TRAPPC9: variants seen among roughly 807,000 people sequenced by gnomAD.
TRAPPC9 encodes the protein trafficking protein particle complex subunit 9, also known as IKK2 binding protein.
In TRAPPC9, 83 loss-of-function variants were observed where a neutral mutation model predicts 124.0. That is an observed-to-expected ratio of 0.67 (90% CI 0.56 to 0.80). The LOEUF (loss-of-function observed/expected upper bound fraction) is 0.80. TRAPPC9 is among the 30% of genes least tolerant of loss of function. The pLI, the probability that TRAPPC9 is intolerant of heterozygous loss-of-function variation, is 0.00. For missense variants in TRAPPC9, 1,302 were observed against 1,508.3 expected (o/e 0.86, Z 2.27); for synonymous variants, 638 against 617.5 (o/e 1.03, Z -0.49).
intron 2 of TRAPPC9, among the ~76,000 whole-genome samples, chr8:140,440,761 C>T (rs1424790088): frequency 6.6e-6 from 1 of 152,098 alleles, no homozygotes; most frequent in African/African-American, 2.4e-5. Context: ...CCTCCCACGG[C>T]TCTGGCTTCC....
At chr8:140,101,098 C>A (rs2060570394) in intron 17 of TRAPPC9, among the ~76,000 whole-genome samples, 1 of 152,226 alleles carries the variant, frequency 6.6e-6, no homozygotes, top group Non-Finnish European at 1.5e-5. Flanking sequence ...CTTCTAGCCA[C>A]AAGCCATCTT....
At chr8:140,096,832 C>G (rs1032204103) in intron 17 of TRAPPC9, 1 of 152,264 alleles carries the variant, frequency 6.6e-6, no homozygotes, top group Admixed American at 6.5e-5. Flanking sequence ...AGGAGACCAC[C>G]GTGAGGAAGT....
At chr8:139,926,610 A>AT (rs1397995951) in intron 19 of TRAPPC9, among the ~76,000 whole-genome samples, 10 of 151,504 alleles carry the variant, frequency 6.6e-5, no homozygotes, top group African/African-American at 1.4e-4. Context: ...ATTAAAATAA[A>AT]AAAAAAAAAA....
chr8:139,734,298 A>G lies in TRAPPC9; in HGVS notation c.3056-2096T>C, dbSNP rs114922141. ...ACGCAATTCTGAAACATTCATGTCC[A>G]GTGCGTCCTTATTTTCTCATTTGAG... On this transcript the variant is annotated intron_variant, in intron 21 of 22. Coordinates refer to ENST00000438773, the MANE Select transcript of TRAPPC9 (RefSeq NM_001160372.4). Among the ~76,000 whole-genome samples, 869 of 152,362 alleles carry G rather than the reference A, an allele frequency of 5.7e-3. 5 individuals are homozygous for G. Among genetic ancestry groups the G allele is most frequent in the African/African-American group, 0.019 (786 of 41,586 alleles).
chr8:140,194,027 T>C (rs1316257200), intron 17 of TRAPPC9, among the ~76,000 whole-genome samples: 2 of 152,158 alleles, frequency 1.3e-5, no homozygotes, highest in Non-Finnish European at 2.9e-5. Context: ...AGCCACAAAT[T>C]CTAATCCCGG....
intron 15 of TRAPPC9, among the ~76,000 whole-genome samples, chr8:140,266,412 G>A (rs71514669): frequency 3.3e-5 from 5 of 151,092 alleles, no homozygotes; most frequent in African/African-American, 9.7e-5. Context: ...GCAGTGAGCC[G>A]AGGTTGTACC....
intron 21 of TRAPPC9, among the ~76,000 whole-genome samples, chr8:139,772,603 C>T (rs1244550551): frequency 6.6e-6 from 1 of 152,242 alleles, no homozygotes; most frequent in Non-Finnish European, 1.5e-5. Context: ...AGGGCCACAG[C>T]TGAGCCCAGG....
At chr8:139,735,257 AACAGTTGTG>A (rs1478537285) in intron 21 of TRAPPC9, among the ~76,000 whole-genome samples, 1 of 152,210 alleles carries the variant, frequency 6.6e-6, no homozygotes, top group Non-Finnish European at 1.5e-5. Flanking sequence ...TTCTAATGCT[AACAGTTGTG>A]ACAAGTTCAT....
intron 7 of TRAPPC9, among the ~76,000 whole-genome samples, chr8:140,372,596 C>A (rs2132248726): frequency 6.6e-6 from 1 of 152,276 alleles, no homozygotes; most frequent in South Asian, 2.1e-4. Flanking sequence ...GAAAGCCTAG[C>A]CCCCAAGGTG....
chr8:140,233,209 CT>C (rs10710093), intron 16 of TRAPPC9, among the ~76,000 whole-genome samples: 102,833 of 146,570 alleles, frequency 0.7, 35,913 homozygotes, highest in Admixed American at 0.75. Flanking sequence ...TTCTTAAGGA[CT>C]TTTTTTTTTT....
At chr8:140,405,491 A>C (rs2069457134) in intron 6 of TRAPPC9, 86 bp downstream of exon 6, 2 of 1,388,078 alleles carry the variant, frequency 1.4e-6, no homozygotes, top group Non-Finnish European at 2.0e-6. Flanking sequence ...TAATTAAGAG[A>C]CACTGCAGCA....
chr8:140,247,243 C>G (rs1000529216), intron 16 of TRAPPC9, among the ~76,000 whole-genome samples: 1 of 152,194 alleles, frequency 6.6e-6, no homozygotes, highest in Admixed American at 6.5e-5. Flanking sequence ...TCCAGTCTTG[C>G]GTGTTGACAA....
At chr8:139,878,885 GAA>G (rs1266422449) in intron 21 of TRAPPC9, among the ~76,000 whole-genome samples, 6 of 152,384 alleles carry the variant, frequency 3.9e-5, no homozygotes, top group South Asian at 4.1e-4. Context: ...AGGAGGTCAA[GAA>G]TGCAGTGAGC....
At chr8:140,407,397 CTCTT>C (rs1368972263) in intron 5 of TRAPPC9, among the ~76,000 whole-genome samples, 2 of 149,136 alleles carry the variant, frequency 1.3e-5, no homozygotes, top group Admixed American at 1.4e-4. Context: ...GAGTTTTACT[CTCTT>C]TTTTTCCCTT....
chr8:140,149,807 G>A (rs540639501), intron 17 of TRAPPC9, among the ~76,000 whole-genome samples: 41 of 142,538 alleles, frequency 2.9e-4, no homozygotes, highest in Admixed American at 2.2e-3. Context: ...AGGTCTGCTC[G>A]CCTTGACGCA....
chr8:140,054,414 A>C (rs776685718), intron 17 of TRAPPC9, among the ~76,000 whole-genome samples: 56 of 152,330 alleles, frequency 3.7e-4, no homozygotes, highest in Non-Finnish European at 4.9e-4. Flanking sequence ...GGATGCAGGA[A>C]AGCAGTACTA....
chr8:140,054,825 C>T (rs1457029898), intron 17 of TRAPPC9, among the ~76,000 whole-genome samples: 1 of 151,224 alleles, frequency 6.6e-6, no homozygotes, highest in East Asian at 1.9e-4. Context: ...AAAAAAAACA[C>T]AAAACCTACC....
intron 17 of TRAPPC9, among the ~76,000 whole-genome samples, chr8:140,218,612 T>C (rs926554370): frequency 2.0e-5 from 3 of 151,898 alleles, no homozygotes; most frequent in African/African-American, 7.3e-5. Flanking sequence ...TGGAAGAGGC[T>C]GACTTTATTT....
chr8:140,444,974 C>A (rs1038931095), intron 2 of TRAPPC9, among the ~76,000 whole-genome samples: 4 of 152,090 alleles, frequency 2.6e-5, no homozygotes, highest in Admixed American at 6.6e-5. Flanking sequence ...CATTCTCCCT[C>A]GCTCAGCTCA....
Sources: gnomAD v4.1 joint callset for allele counts (sites outside exome capture counted in the v4.1 genomes callset) on GRCh38, gnomAD v4.1.1 for gene constraint, MANE v1.5 for transcripts, NCBI Gene and HGNC (gene_info 2026-07-23, HGNC 2026-07-21) for gene names.